Variants in LRRC4C observed in about 807,000 individuals in gnomAD.
The protein encoded by LRRC4C is leucine rich repeat containing 4C.
Under a neutral mutation model 33.6 loss-of-function variants are expected in LRRC4C, and 5 were observed. The observed-to-expected ratio is 0.15, with a 90% CI of 0.08 to 0.31. The LOEUF is 0.31. Ranked by LOEUF, LRRC4C falls within the 10% of genes least tolerant of loss-of-function variation. The pLI is 1.00. For synonymous variants in LRRC4C, 329 were observed against 302.0 expected, an observed-to-expected ratio of 1.09 and a Z score of -0.93; for missense variants, 560 against 796.7, an observed-to-expected ratio of 0.70 and a Z score of 3.58.
chr11:40,989,479 C>G (rs1409710107), intron 1 of LRRC4C, among the ~76,000 whole-genome samples: 1 of 152,138 alleles, frequency 6.6e-6, no homozygotes, highest in African/African-American at 2.4e-5. Flanking sequence ...GCCAGGAACT[C>G]CCATTTTACA....
intron 3 of LRRC4C, among the ~76,000 whole-genome samples, chr11:40,466,934 A>G (rs923661060): frequency 1.3e-5 from 2 of 152,160 alleles, no homozygotes; most frequent in Non-Finnish European, 2.9e-5. Flanking sequence ...TATGAAATGA[A>G]TATATGATAA....
At chr11:40,482,959 A>G (rs894493327) in intron 3 of LRRC4C, among the ~76,000 whole-genome samples, 2 of 152,172 alleles carry the variant, frequency 1.3e-5, no homozygotes, top group Admixed American at 6.5e-5. Context: ...CTTTTATAAC[A>G]TCTCCATGGA....
intron 5 of LRRC4C, among the ~76,000 whole-genome samples, chr11:40,240,633 G>T (rs1357274536): frequency 6.6e-6 from 1 of 152,098 alleles, no homozygotes; most frequent in African/African-American, 2.4e-5. Context: ...GCCTGCTGAA[G>T]AAATGAAAAA....
At chr11:40,460,325 T>A (rs994455356) in intron 3 of LRRC4C, among the ~76,000 whole-genome samples, 2 of 151,850 alleles carry the variant, frequency 1.3e-5, no homozygotes, top group African/African-American at 4.8e-5. Flanking sequence ...AGCAAATAAA[T>A]GTTTGTGCTT....
Position 40,749,923 on chromosome 11 carries a change from A to G in LRRC4C, c.-406-101645T>C, listed in dbSNP as rs529656485. 2.0e-4 allele frequency among the ~76,000 whole-genome samples: 30 copies of G among 152,300 alleles called. No individual in the cohort carries two copies. The South Asian group carries it at 5.6e-3, about 28-fold the overall frequency. Reference sequence around the variant, plus strand: ...ATTCCTGGAAATACACAATCTACCAACCTAAAATTAAGAAGAAATATAAAA... The same window carrying G: ...ATTCCTGGAAATACACAATCTACCAGCCTAAAATTAAGAAGAAATATAAAA... On this transcript the variant is annotated intron_variant, in intron 2 of 6. Coordinates refer to ENST00000528697, the MANE Select transcript of LRRC4C (RefSeq NM_001258419.2).
At chr11:40,492,793 TTCTC>T (rs563995199) in intron 3 of LRRC4C, among the ~76,000 whole-genome samples, 194 of 152,284 alleles carry the variant, frequency 1.3e-3, no homozygotes, top group African/African-American at 4.5e-3. Context: ...TATTCTGTCT[TTCTC>T]TATATATACA....
At chr11:41,225,461 A>T (rs923568317) in intron 1 of LRRC4C, among the ~76,000 whole-genome samples, 2 of 152,080 alleles carry the variant, frequency 1.3e-5, no homozygotes, top group African/African-American at 4.8e-5. Context: ...AAAATATTTT[A>T]AAAAATCTTG....
intron 2 of LRRC4C, among the ~76,000 whole-genome samples, chr11:40,858,668 T>C (rs1481940993): frequency 8.4e-5 from 11 of 130,804 alleles, no homozygotes; most frequent in Non-Finnish European, 1.7e-4. Context: ...CACTCCAGCC[T>C]GGTAACAGAG....
At chr11:40,224,366 A>T (rs929503343) in intron 5 of LRRC4C, among the ~76,000 whole-genome samples, 1 of 152,214 alleles carries the variant, frequency 6.6e-6, no homozygotes, top group Non-Finnish European at 1.5e-5. Context: ...ATCTATCTGT[A>T]TATGCCCCAA....
chr11:40,592,539 G>A (rs1463503114), intron 3 of LRRC4C, among the ~76,000 whole-genome samples: 1 of 152,198 alleles, frequency 6.6e-6, no homozygotes, highest in Non-Finnish European at 1.5e-5. Context: ...CTTGTGGGAA[G>A]AGGACTCAAG....
chr11:40,222,921 G>C (rs1453528408), intron 5 of LRRC4C, among the ~76,000 whole-genome samples: 1 of 152,144 alleles, frequency 6.6e-6, no homozygotes, highest in Non-Finnish European at 1.5e-5. Flanking sequence ...AAAGACAGTA[G>C]AGGCAGAGGG....
chr11:40,733,541 T>G (rs562686649), intron 2 of LRRC4C, among the ~76,000 whole-genome samples: 1 of 152,254 alleles, frequency 6.6e-6, no homozygotes, highest in African/African-American at 2.4e-5. Context: ...GATGTTTGGG[T>G]TTAGATAATT....
chr11:41,290,424 G>A (rs183840321), intron 1 of LRRC4C, among the ~76,000 whole-genome samples: 59 of 152,224 alleles, frequency 3.9e-4, no homozygotes, highest in Admixed American at 6.5e-4. Context: ...CTACAAATAC[G>A]TGTTGTAGGG....
intron 1 of LRRC4C, among the ~76,000 whole-genome samples, chr11:41,365,524 T>C (rs1220275918): frequency 2.6e-5 from 4 of 152,118 alleles, no homozygotes; most frequent in Admixed American, 2.0e-4. Flanking sequence ...GCCAAAAAGC[T>C]TGGGGACCAC....
chr11:40,589,168 G>T (rs555272932), intron 3 of LRRC4C, among the ~76,000 whole-genome samples: 1 of 152,034 alleles, frequency 6.6e-6, no homozygotes, highest in South Asian at 2.1e-4. Context: ...CTCCTGTATT[G>T]GGTGCATATA....
chr11:41,170,823 C>T (rs1185987942), intron 1 of LRRC4C, among the ~76,000 whole-genome samples: 4 of 152,148 alleles, frequency 2.6e-5, no homozygotes, highest in African/African-American at 4.8e-5. Context: ...AGGCAACCTA[C>T]AGAATGGGAG....
intron 2 of LRRC4C, among the ~76,000 whole-genome samples, chr11:40,828,480 A>C (rs2135526135): frequency 6.6e-6 from 1 of 151,982 alleles, no homozygotes; most frequent in East Asian, 1.9e-4. Flanking sequence ...ATATTTAGAT[A>C]ATATAAAGTT....
intron 2 of LRRC4C, among the ~76,000 whole-genome samples, chr11:40,830,223 C>T (rs1296099998): frequency 6.6e-6 from 1 of 152,072 alleles, no homozygotes; most frequent in African/African-American, 2.4e-5. Flanking sequence ...TCTCTAATAA[C>T]ACATGGAACA....
At chr11:40,306,448 G>A (rs1470423062) in intron 4 of LRRC4C, among the ~76,000 whole-genome samples, 2 of 152,030 alleles carry the variant, frequency 1.3e-5, no homozygotes, top group African/African-American at 2.4e-5. Flanking sequence ...AACTGTCCCC[G>A]ATACACACCC....
Sources: allele counts gnomAD v4.1 joint callset (sites outside exome capture counted in the v4.1 genomes callset), GRCh38; gene constraint gnomAD v4.1.1; transcripts MANE v1.5; gene names NCBI Gene and HGNC (gene_info 2026-07-23, HGNC 2026-07-21).